The following MSI2 variants were observed in gnomAD, a reference collection of about 807,000 sequenced individuals.
MSI2 encodes the protein musashi RNA binding protein 2, also known as RNA-binding protein Musashi homolog 2.
Under a neutral mutation model 45.6 loss-of-function variants are expected in MSI2, and 17 were observed. The observed-to-expected ratio is 0.37, with a 90% CI of 0.26 to 0.56. MSI2 has a LOEUF of 0.56. Among genes scored for constraint, MSI2 ranks in the 20% least tolerant of loss-of-function variants. The pLI, the probability that MSI2 is intolerant of heterozygous loss-of-function variation, is 0.77. For synonymous variants in MSI2, 156 were observed against 158.2 expected (o/e 0.99, Z 0.11); for missense variants, 293 against 444.2 (o/e 0.66, Z 3.06).
At chr17:57,528,988 A>G (rs2086763010) in intron 6 of MSI2, among the ~76,000 whole-genome samples, 1 of 152,204 alleles carries the variant, frequency 6.6e-6, no homozygotes, top group Non-Finnish European at 1.5e-5. Context: ...TACACTGGGA[A>G]ATATGCATCG....
At position 57,652,181 on chromosome 17, in the gene MSI2, A is replaced by G. The variant is rs764395543; in HGVS notation, c.790+20A>G. The G allele has an allele frequency of 5.3e-5, 85 of 1,612,492 alleles. No individual in the cohort carries two copies. Among genetic ancestry groups the G allele is most frequent in the Admixed American group, 6.7e-5 (4 of 59,990 alleles). ...GATCAGGTAGGAAGGTGTATGGGAC[A>G]GGCGACTCCCAGGCATGCCCCCAGT... On this transcript the variant is annotated intron_variant, in intron 11 of 13. Coordinates refer to ENST00000284073, the MANE Select transcript of MSI2 (RefSeq NM_138962.4). This position sits in a 1 kb window ranked among gnomAD's most constrained non-coding sequence, Gnocchi z 4.1.
intron 5 of MSI2, among the ~76,000 whole-genome samples, chr17:57,311,918 G>A (rs1178185373): frequency 1.3e-5 from 2 of 152,198 alleles, no homozygotes; most frequent in African/African-American, 4.8e-5. Context: ...GGCTAGTCTG[G>A]AACTCCTGGG....
intron 7 of MSI2, among the ~76,000 whole-genome samples, chr17:57,563,746 G>GCATA (rs1555624489): frequency 7.2e-6 from 1 of 139,294 alleles, no homozygotes; most frequent in Non-Finnish European, 1.6e-5. Flanking sequence ...ACACAGGCGC[G>GCATA]CACACACACA....
intron 7 of MSI2, among the ~76,000 whole-genome samples, chr17:57,574,992 G>A (rs190229373): frequency 5.9e-5 from 9 of 152,090 alleles, no homozygotes; most frequent in Admixed American, 3.9e-4. Flanking sequence ...CACCACGCCC[G>A]GCTAATTTTT....
At chr17:57,640,180 C>G (rs1021467737) in intron 10 of MSI2, among the ~76,000 whole-genome samples, 3 of 152,198 alleles carry the variant, frequency 2.0e-5, no homozygotes, top group African/African-American at 7.2e-5. Flanking sequence ...AGCACAAGCA[C>G]TGGGGCTCCA....
intron 5 of MSI2, among the ~76,000 whole-genome samples, chr17:57,339,227 G>T (rs1567766587): frequency 6.6e-6 from 1 of 152,348 alleles, no homozygotes; most frequent in South Asian, 2.1e-4. Context: ...CTGAGCAGAG[G>T]GTGAGTGGTG....
intron 5 of MSI2, among the ~76,000 whole-genome samples, chr17:57,317,765 A>G (rs1452434000): frequency 6.6e-6 from 1 of 152,186 alleles, no homozygotes; most frequent in African/African-American, 2.4e-5. Flanking sequence ...CAGCCAGCAA[A>G]CGCAGAGCCC....
chr17:57,423,803 C>T (rs1365937484), intron 6 of MSI2, among the ~76,000 whole-genome samples: 2 of 152,108 alleles, frequency 1.3e-5, no homozygotes, highest in African/African-American at 2.4e-5. Flanking sequence ...TCTTTCTTTG[C>T]GAAGCTGGAG....
chr17:57,303,307 G>A (rs1165681471), intron 5 of MSI2, among the ~76,000 whole-genome samples: 2 of 152,210 alleles, frequency 1.3e-5, no homozygotes, highest in Non-Finnish European at 2.9e-5. Context: ...GTTATGTTAC[G>A]AAAGAATGGA....
intron 6 of MSI2, among the ~76,000 whole-genome samples, chr17:57,452,586 T>C (rs575702261): frequency 2.6e-5 from 4 of 152,356 alleles, no homozygotes; most frequent in African/African-American, 9.6e-5. Flanking sequence ...ATGTGGACTG[T>C]ATTTTCTGGA....
At chr17:57,334,088 CCATTCAGTAGA>C in intron 5 of MSI2, among the ~76,000 whole-genome samples, 1 of 152,308 alleles carries the variant, frequency 6.6e-6, no homozygotes, top group African/African-American at 2.4e-5. Context: ...CAACCGGGGG[CCATTCAGTAGA>C]CATTTGCTGA....
At chr17:57,350,599 G>A (rs1354581505) in intron 5 of MSI2, among the ~76,000 whole-genome samples, 1 of 152,118 alleles carries the variant, frequency 6.6e-6, no homozygotes, top group African/African-American at 2.4e-5. Context: ...GCCACTGGCA[G>A]TGCCCTGATC....
At position 57,627,339 on chromosome 17, in the gene MSI2, A is replaced by G. The variant is rs1908903150; in HGVS notation, c.727+36A>G. Reference sequence around the variant, plus strand: ...TGGTCTCCCAGGGCTTTGGAAGCACAAGAGGTGGGCTGCATTTGCGGGGAG... The same window carrying G: ...TGGTCTCCCAGGGCTTTGGAAGCACGAGAGGTGGGCTGCATTTGCGGGGAG... On this transcript the variant is annotated intron_variant, in intron 10 of 13. Coordinates refer to ENST00000284073, the MANE Select transcript of MSI2 (RefSeq NM_138962.4). The surrounding 1 kb of genome is among the most constrained non-coding windows in gnomAD (Gnocchi z 4.6). 1.3e-6 allele frequency: 2 copies of G among 1,595,316 alleles called. No individual in the cohort carries two copies. Among genetic ancestry groups the G allele is most frequent in the Non-Finnish European group, 1.7e-6 (2 of 1,162,860 alleles).
chr17:57,549,946 A>G (rs2087264515), intron 7 of MSI2, among the ~76,000 whole-genome samples: 1 of 151,960 alleles, frequency 6.6e-6, no homozygotes, highest in South Asian at 2.1e-4. Flanking sequence ...GTCAGTTGAG[A>G]CCCTGGACAG....
chr17:57,319,082 C>G (rs1012391507), intron 5 of MSI2, among the ~76,000 whole-genome samples: 2 of 152,212 alleles, frequency 1.3e-5, no homozygotes, highest in African/African-American at 4.8e-5. Flanking sequence ...CTCTTCTGAG[C>G]TGGTGATGGG....
chr17:57,331,978 T>C (rs1226037380), intron 5 of MSI2, among the ~76,000 whole-genome samples: 1 of 152,142 alleles, frequency 6.6e-6, no homozygotes, highest in Admixed American at 6.6e-5. Context: ...CTCATTGTGG[T>C]CTCTTAAACT....
At chr17:57,616,427 G>A (rs931489972) in intron 9 of MSI2, 4 of 170,234 alleles carry the variant, frequency 2.3e-5, no homozygotes, top group Non-Finnish European at 5.0e-5. Context: ...CCTCTCATCT[G>A]AGTGGGAGTT....
intron 6 of MSI2, among the ~76,000 whole-genome samples, chr17:57,440,472 TGGC>T (rs1598272946): frequency 1.3e-5 from 1 of 74,754 alleles, no homozygotes; most frequent in East Asian, 6.1e-4. Flanking sequence ...GTGTGTAGCG[TGGC>T]TGGGTCAGAC....
intron 6 of MSI2, among the ~76,000 whole-genome samples, chr17:57,427,443 G>A (rs933832460): frequency 6.6e-6 from 1 of 151,980 alleles, no homozygotes; most frequent in Non-Finnish European, 1.5e-5. Flanking sequence ...AAAATGTAAA[G>A]GCAGGAATGT....
Sources: gnomAD v4.1 joint callset for allele counts (sites outside exome capture counted in the v4.1 genomes callset) on GRCh38, gnomAD v4.1.1 for gene constraint, Gnocchi (gnomAD v3.1) non-coding constraint, MANE v1.5 for transcripts, NCBI Gene and HGNC (gene_info 2026-07-23, HGNC 2026-07-21) for gene names.